The following CTNNA3 variants were observed in gnomAD, a reference collection of about 807,000 sequenced individuals.
The protein encoded by CTNNA3 is catenin alpha-3.
CTNNA3 carries 76 observed loss-of-function variants against 95.7 expected under a neutral mutation model. That is an observed-to-expected ratio of 0.79 (90% CI 0.66 to 0.96). The LOEUF is 0.96. CTNNA3 is among the 40% of genes least tolerant of loss of function. CTNNA3 has a pLI of 0.00. For synonymous variants in CTNNA3, 431 were observed against 374.4 expected (o/e 1.15, Z -1.74); for missense variants, 1,191 against 1,089.8 (o/e 1.09, Z -1.31).
chr10:67,299,769 T>C (rs1589139844), intron 5 of CTNNA3, among the ~76,000 whole-genome samples: 2 of 152,240 alleles, frequency 1.3e-5, no homozygotes, highest in Non-Finnish European at 2.9e-5. Flanking sequence ...ATTGCTACAT[T>C]GCAAGGCCCT....
chr10:66,701,063 A>G (rs1847926727), intron 9 of CTNNA3, among the ~76,000 whole-genome samples: 1 of 152,112 alleles, frequency 6.6e-6, no homozygotes, highest in Non-Finnish European at 1.5e-5. Context: ...GTAGGAGGTT[A>G]TTGATTGAAT....
chr10:66,991,745 G>A (rs1851050550), intron 7 of CTNNA3, among the ~76,000 whole-genome samples: 1 of 152,114 alleles, frequency 6.6e-6, no homozygotes, highest in South Asian at 2.1e-4. Context: ...ACATTTGCCA[G>A]AACTCTGTGC....
chr10:66,978,124 A>G (rs1850170174), intron 7 of CTNNA3, among the ~76,000 whole-genome samples: 1 of 152,138 alleles, frequency 6.6e-6, no homozygotes, highest in South Asian at 2.1e-4. Context: ...ATGATCCTAG[A>G]TAATTAAGAG....
intron 5 of CTNNA3, among the ~76,000 whole-genome samples, chr10:67,299,438 G>C (rs77928417): frequency 0.021 from 3,270 of 152,212 alleles, 44 homozygotes; most frequent in Non-Finnish European, 0.032. Flanking sequence ...ATACTATGGT[G>C]GCATTTAGAG....
intron 11 of CTNNA3, among the ~76,000 whole-genome samples, chr10:66,431,061 A>T (rs1781028678): frequency 6.6e-6 from 1 of 151,614 alleles, no homozygotes; most frequent in Non-Finnish European, 1.5e-5. Context: ...AAGAAAAAAA[A>T]AAACCCATCA....
chr10:66,994,144 A>G (rs1851197030), intron 7 of CTNNA3, among the ~76,000 whole-genome samples: 1 of 152,200 alleles, frequency 6.6e-6, no homozygotes, highest in South Asian at 2.1e-4. Flanking sequence ...TGCCATCACT[A>G]TATTCTTATA....
In CTNNA3 at chr10:67,115,423, G is replaced by A. The variant is rs1400308382; in HGVS notation, c.1047+64894C>T. Among the ~76,000 whole-genome samples, 6 of 151,888 alleles carry A rather than the reference G, an allele frequency of 4.0e-5. No homozygotes were observed. The East Asian group carries it at 9.7e-4, about 25-fold the overall frequency. On this transcript the variant is annotated intron_variant, in intron 7 of 17. Transcript: ENST00000433211. ...TTAATGGGTGCAGCACACCAGCATG[G>A]CACATGTATACATATGTAACTAACC...
intron 1 of CTNNA3, among the ~76,000 whole-genome samples, chr10:67,702,295 C>T (rs1454377947): frequency 6.6e-6 from 1 of 152,100 alleles, no homozygotes; most frequent in African/African-American, 2.4e-5. Context: ...ATCTACAGAA[C>T]TCTCCACCCC....
chr10:66,665,333 T>C (rs986524763), intron 9 of CTNNA3, among the ~76,000 whole-genome samples: 3 of 152,184 alleles, frequency 2.0e-5, no homozygotes, highest in Middle Eastern at 6.3e-3. Flanking sequence ...CTTCAGGATG[T>C]GAATCAGTCA....
intron 10 of CTNNA3, among the ~76,000 whole-genome samples, chr10:66,596,256 A>T (rs1425781497): frequency 6.6e-6 from 1 of 152,058 alleles, no homozygotes; most frequent in Admixed American, 6.6e-5. Flanking sequence ...TAGGATCTCT[A>T]CCCATGACCC....
At chr10:66,816,358 T>C (rs1842085189) in intron 7 of CTNNA3, among the ~76,000 whole-genome samples, 1 of 152,144 alleles carries the variant, frequency 6.6e-6, no homozygotes, top group Non-Finnish European at 1.5e-5. Flanking sequence ...ACATGAAATG[T>C]AAATGGGTTA....
At chr10:67,630,358 G>A (rs752104896) in intron 2 of CTNNA3, among the ~76,000 whole-genome samples, 3 of 152,150 alleles carry the variant, frequency 2.0e-5, no homozygotes, top group Admixed American at 6.5e-5. Flanking sequence ...AGGAGTTCTC[G>A]CATGATTTAT....
At chr10:66,895,554 G>C (rs924397437) in intron 7 of CTNNA3, among the ~76,000 whole-genome samples, 6 of 151,888 alleles carry the variant, frequency 4.0e-5, no homozygotes, top group Non-Finnish European at 8.8e-5. Context: ...TTCCAGGAGA[G>C]AGACATGGTA....
rs187526563 is a variant in CTNNA3 at position 66,698,612 on chromosome 10, A to G, written c.1281+67652T>C. ...AGATAATATTGAAGTAATAGAAGAA[A>G]TCGTCCAGAAATGCAAAAAATAGTT... On this transcript the variant is annotated intron_variant, in intron 9 of 17. Transcript: ENST00000433211. Among the ~76,000 whole-genome samples, 653 of 152,348 alleles carry G rather than the reference A, an allele frequency of 4.3e-3. 3 individuals are homozygous for G. Among genetic ancestry groups the G allele is most frequent in the African/African-American group, 0.015 (619 of 41,578 alleles).
At chr10:67,220,982 T>C (rs1864627206) in intron 5 of CTNNA3, among the ~76,000 whole-genome samples, 1 of 152,118 alleles carries the variant, frequency 6.6e-6, no homozygotes, top group Admixed American at 6.5e-5. Flanking sequence ...CTGGGCAGTA[T>C]TCCTCAAGAC....
Position 66,937,910 on chromosome 10 carries a change from A to G in CTNNA3, c.1048-162386T>C, listed in dbSNP as rs1309569002. 3.3e-5 allele frequency among the ~76,000 whole-genome samples: 5 copies of G among 151,900 alleles called. No homozygotes were observed. In the East Asian group the frequency reaches 9.6e-4, roughly 29 times the overall value. On this transcript the variant is annotated intron_variant, in intron 7 of 17. Coordinates refer to ENST00000433211, the MANE Select transcript of CTNNA3 (RefSeq NM_013266.4). ...TTTCTGTTTTTTTTCCCCCTCTCCC[A>G]GAGACTGCATCACAGTCTACCTTAT... is the stretch of plus-strand genomic sequence containing the variant.
intron 7 of CTNNA3, among the ~76,000 whole-genome samples, chr10:66,785,998 C>T (rs1840724613): frequency 6.6e-6 from 1 of 152,078 alleles, no homozygotes; most frequent in African/African-American, 2.4e-5. Flanking sequence ...TTCTTGTTGC[C>T]ATTCCAGGTA....
chr10:66,993,043 T>C (rs1207481043), intron 7 of CTNNA3, among the ~76,000 whole-genome samples: 1 of 152,142 alleles, frequency 6.6e-6, no homozygotes, highest in Non-Finnish European at 1.5e-5. Flanking sequence ...CATGATTTTG[T>C]GGGCAGCCAC....
intron 9 of CTNNA3, among the ~76,000 whole-genome samples, chr10:66,714,695 C>A (rs942760709): frequency 6.6e-6 from 1 of 152,136 alleles, no homozygotes; most frequent in Non-Finnish European, 1.5e-5. Flanking sequence ...GGTTCCACCC[C>A]AGAACTACTG....
Sources: gnomAD v4.1 joint callset for allele counts (sites outside exome capture counted in the v4.1 genomes callset) on GRCh38, gnomAD v4.1.1 for gene constraint, MANE v1.5 for transcripts, NCBI Gene and HGNC (gene_info 2026-07-23, HGNC 2026-07-21) for gene names.